RREB1: variants seen among roughly 807,000 people sequenced by gnomAD.
RREB1 encodes the protein ras-responsive element-binding protein 1.
In RREB1, 27 loss-of-function variants were observed where a neutral mutation model predicts 117.8. The ratio of observed to expected loss-of-function variants is 0.23; its 90% CI spans 0.17 to 0.32. The LOEUF is 0.32. Among genes scored for constraint, RREB1 ranks in the 10% least tolerant of loss-of-function variants. RREB1 has a pLI of 1.00. For synonymous variants in RREB1, 1,298 were observed against 1,026.7 expected (o/e 1.26, Z -5.05); for missense variants, 2,577 against 2,378.2 (o/e 1.08, Z -1.74).
chr6:7,117,094 A>G (rs1024194894), intron 1 of RREB1, among the ~76,000 whole-genome samples: 2 of 152,196 alleles, frequency 1.3e-5, no homozygotes, highest in Non-Finnish European at 2.9e-5. Context: ...AGAAATCTAC[A>G]GGGTATAAAT....
At position 7,231,864 on chromosome 6, in the gene RREB1, C is replaced by T. The variant is rs552152051; in HGVS notation, c.3765C>T (p.Phe1255=). Residue 1255 remains phenylalanine (F), a synonymous_variant, in exon 10 of 13, where the codon TTC becomes TTT. Coordinates refer to ENST00000379938, the MANE Select transcript of RREB1 (RefSeq NM_001003699.4). ...CCTGTCCCCACTGTCCCCGGGTTTTCCCTTGGGCCAGCTCCCTACAGAGGC... is the reference window on the plus strand; with the variant it reads ...CCTGTCCCCACTGTCCCCGGGTTTTTCCTTGGGCCAGCTCCCTACAGAGGC... ...KITCPHCPRV[F]PWASSLQRHM... The T allele has an allele frequency of 1.2e-6, 2 of 1,612,958 alleles. No individual in the cohort carries two copies. The highest frequency in any genetic ancestry group is 1.3e-5 in the African/African-American group (1 of 75,050).
chr6:7,172,904 T>C (rs1764293966), intron 1 of RREB1, among the ~76,000 whole-genome samples: 1 of 152,222 alleles, frequency 6.6e-6, no homozygotes, highest in African/African-American at 2.4e-5. Flanking sequence ...TAGCCTGGTT[T>C]GATTCTGTCC....
intron 8 of RREB1, among the ~76,000 whole-genome samples, chr6:7,222,366 GC>G (rs1388057596): frequency 6.6e-6 from 1 of 152,040 alleles, no homozygotes; most frequent in Non-Finnish European, 1.5e-5. Flanking sequence ...ATTTTACATA[GC>G]CGGCAGCTGA....
At chr6:7,158,549 C>T (rs932042737) in intron 1 of RREB1, among the ~76,000 whole-genome samples, 2 of 152,160 alleles carry the variant, frequency 1.3e-5, no homozygotes, top group Admixed American at 6.5e-5. Flanking sequence ...TATCAGCTCC[C>T]TCCAGCCTCC....
At chr6:7,172,528 A>G (rs138204474) in intron 1 of RREB1, among the ~76,000 whole-genome samples, 2 of 152,248 alleles carry the variant, frequency 1.3e-5, no homozygotes, top group Non-Finnish European at 2.9e-5. Flanking sequence ...GATTATAGGC[A>G]TGAGCCACCA....
At chr6:7,153,658 A>C (rs759507943) in intron 1 of RREB1, among the ~76,000 whole-genome samples, 1 of 152,210 alleles carries the variant, frequency 6.6e-6, no homozygotes, top group Non-Finnish European at 1.5e-5. Flanking sequence ...ATTTTATAAA[A>C]TATCTCAGAT....
chr6:7,143,401 T>C (rs1762713124), intron 1 of RREB1, among the ~76,000 whole-genome samples: 1 of 152,224 alleles, frequency 6.6e-6, no homozygotes, highest in African/African-American at 2.4e-5. Flanking sequence ...TCTGAGACTA[T>C]GCGTTTTGTG....
At chr6:7,137,602 T>C (rs1225116579) in intron 1 of RREB1, among the ~76,000 whole-genome samples, 2 of 152,352 alleles carry the variant, frequency 1.3e-5, no homozygotes, top group East Asian at 1.9e-4. Context: ...CTGGCTCCAC[T>C]GTTGGAGTCA....
chr6:7,223,257 T>A (rs1370446507), intron 8 of RREB1, among the ~76,000 whole-genome samples: 36 of 97,282 alleles, frequency 3.7e-4, no homozygotes, highest in East Asian at 9.2e-4. Flanking sequence ...ACTCTCTTTT[T>A]AAAAAAAAAA....
At chr6:7,132,352 G>A (rs1208530833) in intron 1 of RREB1, among the ~76,000 whole-genome samples, 2 of 123,302 alleles carry the variant, frequency 1.6e-5, no homozygotes, top group African/African-American at 5.0e-5. Context: ...ACCGTGCCCA[G>A]CCGAGATTGG....
chr6:7,148,110 G>C (rs937283256), intron 1 of RREB1, among the ~76,000 whole-genome samples: 1 of 152,178 alleles, frequency 6.6e-6, no homozygotes, highest in African/African-American at 2.4e-5. Context: ...GTATACGTGG[G>C]GGGAGAGGTA....
chr6:7,168,530 G>A (rs1051191406), intron 1 of RREB1, among the ~76,000 whole-genome samples: 5 of 152,096 alleles, frequency 3.3e-5, no homozygotes, highest in African/African-American at 4.8e-5. Context: ...TGGGGACAGC[G>A]AGCTCATTAC....
chr6:7,116,085 G>A (rs905450816), intron 1 of RREB1, among the ~76,000 whole-genome samples: 4 of 152,208 alleles, frequency 2.6e-5, no homozygotes, highest in South Asian at 4.1e-4. Flanking sequence ...TCTGCTGCCA[G>A]AATCATCAGA....
At chr6:7,236,086 C>T (rs762578784) in intron 10 of RREB1, among the ~76,000 whole-genome samples, 1 of 152,118 alleles carries the variant, frequency 6.6e-6, no homozygotes, top group Non-Finnish European at 1.5e-5. Flanking sequence ...TCTACCTAAA[C>T]GCGCCACTCC....
At chr6:7,171,855 C>G (rs1764226483) in intron 1 of RREB1, among the ~76,000 whole-genome samples, 1 of 151,932 alleles carries the variant, frequency 6.6e-6, no homozygotes, top group South Asian at 2.1e-4. Flanking sequence ...AAAGGGTAAC[C>G]AAGGGGACTG....
chr6:7,247,105 C>G lies in RREB1; in HGVS notation c.4655C>G (p.Thr1552Arg). ...EKSDDDKKPK[T>R]DSPKSVASKA... ...AGCGACGATGACAAGAAACCAAAGA[C>G]AGACTCCCCCAAAAGCGTGGCCAGC... Residue 1552 changes from threonine to arginine, a missense_variant, in exon 12 of 13, where the codon ACA becomes AGA. Physicochemically the swap from Thr to Arg is moderately conservative, Grantham distance 71 (BLOSUM62 -1). Coordinates refer to ENST00000379938, the MANE Select transcript of RREB1 (RefSeq NM_001003699.4). 4 of 1,613,896 alleles carry G rather than the reference C, an allele frequency of 2.5e-6. No individual in the cohort carries two copies. Among genetic ancestry groups the G allele is most frequent in the Non-Finnish European group, 3.4e-6 (4 of 1,180,000 alleles).
rs370794697 is a variant in RREB1, at chr6:7,231,448, CCCGCTGCCA to C, written c.3352_3360del (p.Ala1118_Thr1120del). On this transcript the variant is annotated inframe_deletion, in exon 10 of 13. Coordinates refer to ENST00000379938, the MANE Select transcript of RREB1 (RefSeq NM_001003699.4). ...CCCCAAAGCCGCCACCACCGCCACCCCCGCTGCCACCACCAGCCCAAAAGAGTCTAGTGA... is the reference window on the plus strand; with the variant it reads ...CCCCAAAGCCGCCACCACCGCCACCCCCACCAGCCCAAAAGAGTCTAGTGA... 4.0e-5 allele frequency: 65 copies of C among 1,613,124 alleles called. No homozygotes were observed. The African/African-American group carries it at 7.1e-4, about 18-fold the overall frequency.
At chr6:7,168,207 A>G (rs1028738902) in intron 1 of RREB1, among the ~76,000 whole-genome samples, 1 of 148,028 alleles carries the variant, frequency 6.8e-6, no homozygotes, top group Non-Finnish European at 1.5e-5. Flanking sequence ...GTGAGCCGAG[A>G]TCATGCCACT....
At chr6:7,146,549 A>C (rs1390523717) in intron 1 of RREB1, among the ~76,000 whole-genome samples, 1 of 152,160 alleles carries the variant, frequency 6.6e-6, no homozygotes, top group African/African-American at 2.4e-5. Flanking sequence ...GTGGCCATAA[A>C]TGTGGAGGAA....
Sources: allele counts gnomAD v4.1 joint callset (sites outside exome capture counted in the v4.1 genomes callset), GRCh38; gene constraint gnomAD v4.1.1; transcripts MANE v1.5; gene names NCBI Gene and HGNC (gene_info 2026-07-23, HGNC 2026-07-21).